PIK3R6: variants seen among roughly 807,000 people sequenced by gnomAD.
The protein encoded by PIK3R6 is phosphoinositide 3-kinase regulatory subunit 6.
Under a neutral mutation model 84.9 loss-of-function variants are expected in PIK3R6, and 91 were observed. That is an observed-to-expected ratio of 1.07 (90% CI 0.90 to 1.28). PIK3R6 has a LOEUF of 1.28. Among genes scored for constraint, PIK3R6 ranks in the 50% most tolerant of loss-of-function variants. The probability of loss-of-function intolerance (pLI) is 0.00; values close to 1 mark genes in which losing one functional copy is unlikely to be tolerated. For missense variants in PIK3R6, 996 were observed against 985.1 expected (o/e 1.01, Z -0.15); for synonymous variants, 416 against 411.4 (o/e 1.01, Z -0.13).
chr17:8,832,882 C>G lies in PIK3R6; in HGVS notation c.802+7G>C. 6.2e-7 allele frequency: 1 copy of G among 1,612,454 alleles called. No homozygotes were observed. Among genetic ancestry groups the G allele is most frequent in the Admixed American group, 1.7e-5 (1 of 60,012 alleles). ...TTGCCAAGGCCCCCCATCTGCCAGT[C>G]GCTTACCACCGCAGCGCCCCGCCGC... On this transcript the variant is annotated splice_region_variant and intron_variant, in intron 9 of 19. Transcript: ENST00000619866.
intron 13 of PIK3R6, among the ~76,000 whole-genome samples, chr17:8,824,371 A>G (rs1308738243): frequency 6.6e-6 from 1 of 152,200 alleles, no homozygotes; most frequent in East Asian, 1.9e-4. Context: ...AAGCATAGTG[A>G]CTGGGTTTTC....
intron 18 of PIK3R6, among the ~76,000 whole-genome samples, chr17:8,810,669 A>C (rs1324854135): frequency 6.7e-6 from 1 of 148,494 alleles, no homozygotes; most frequent in Non-Finnish European, 1.5e-5. Flanking sequence ...TACAGGCCCC[A>C]TGCAAGTCTG....
At chr17:8,848,045 ACT>A (rs1191062090) in intron 2 of PIK3R6, among the ~76,000 whole-genome samples, 1 of 151,906 alleles carries the variant, frequency 6.6e-6, no homozygotes, top group Non-Finnish European at 1.5e-5. Context: ...AAGGACTGAT[ACT>A]CTCTGTCTCT....
chr17:8,860,627 C>T (rs1015848402), intron 1 of PIK3R6, among the ~76,000 whole-genome samples: 6 of 152,128 alleles, frequency 3.9e-5, no homozygotes, highest in African/African-American at 1.4e-4. Flanking sequence ...CTGTGGCCAA[C>T]ATTTAAAAGT....
intron 1 of PIK3R6, among the ~76,000 whole-genome samples, chr17:8,860,501 C>T (rs553969227): frequency 1.1e-3 from 171 of 149,612 alleles, no homozygotes; most frequent in Middle Eastern, 3.4e-3. Flanking sequence ...AAACCCCTTC[C>T]GTGGAAAAAT....
Position 8,804,105 on chromosome 17 carries a change from C to T in PIK3R6, c.2044G>A (p.Asp682Asn), listed in dbSNP as rs754476511. Reference protein sequence around the residue: ...RTNNIQIQSRDQRLLTLSLDK... With the variant: ...RTNNIQIQSRNQRLLTLSLDK... ...AGCGACAGTGTCAGCAGCCTCTGGT[C>T]CCGGCTCTGGATCTGGATATTGTTC... The change falls in exon 19 of 20, where the codon GAC becomes AAC. Residue 682 changes from aspartate to asparagine, a missense_variant. Asp to Asn is a conservative substitution (Grantham distance 23). Transcript: ENST00000619866. 1.1e-5 allele frequency: 17 copies of T among 1,614,042 alleles called. No individual in the cohort carries two copies. The highest frequency in any genetic ancestry group is 1.4e-5 in the Non-Finnish European group (17 of 1,179,884).
intron 13 of PIK3R6, among the ~76,000 whole-genome samples, chr17:8,824,053 T>C (rs559539130): frequency 6.6e-6 from 1 of 152,292 alleles, no homozygotes; most frequent in African/African-American, 2.4e-5. Flanking sequence ...GCGGGTCACC[T>C]GAGGTCAGGA....
intron 18 of PIK3R6, among the ~76,000 whole-genome samples, chr17:8,804,856 T>C (rs2087154962): frequency 6.6e-6 from 1 of 152,234 alleles, no homozygotes; most frequent in Non-Finnish European, 1.5e-5. Context: ...CTCATTCAAG[T>C]GTTCTTAACC....
At chr17:8,827,761 G>A (rs1397786359) in intron 12 of PIK3R6, among the ~76,000 whole-genome samples, 1 of 65,944 alleles carries the variant, frequency 1.5e-5, no homozygotes, top group Admixed American at 1.6e-4. Context: ...GAGAGAGAGA[G>A]AGGAGAGAGA....
intron 2 of PIK3R6, among the ~76,000 whole-genome samples, chr17:8,845,776 GTC>G (rs2088801160): frequency 2.0e-5 from 3 of 152,030 alleles, no homozygotes; most frequent in Non-Finnish European, 4.4e-5. Flanking sequence ...GCAAAATCCT[GTC>G]TCTACTAAAA....
chr17:8,828,621 A>C lies in PIK3R6; in HGVS notation c.1259T>G (p.Val420Gly), dbSNP rs1331625772. The C allele has an allele frequency of 6.2e-7, 1 of 1,613,454 alleles. No homozygotes were observed. Among genetic ancestry groups the C allele is most frequent in the Non-Finnish European group, 8.5e-7 (1 of 1,179,698 alleles). The change falls in exon 11 of 20, where the codon GTG (valine) becomes GGG (glycine). Residue 420 changes from valine to glycine, a missense_variant. Physicochemically the swap from Val to Gly is moderately radical, Grantham distance 109. Coordinates refer to ENST00000619866, the MANE Select transcript of PIK3R6 (RefSeq NM_001010855.4). The stretch of plus-strand genomic sequence containing the variant: ...CCCCAGCATCCTGTCATCTCCGAGC[A>C]CAAGTACCCGGGCTGTGTGCAGCCG... ...VSRLHTARVL[V>G]LGDDRMLGRL...
chr17:8,852,102 A>G (rs76139226), intron 1 of PIK3R6, among the ~76,000 whole-genome samples: 6,611 of 152,298 alleles, frequency 0.043, 440 homozygotes, highest in African/African-American at 0.15. Context: ...AGCAAGTATG[A>G]CAGAGGTTAC....
Position 8,803,596 on chromosome 17 carries a change from C to T in PIK3R6, c.2109-167G>A. The T allele has an allele frequency of 1.4e-6, 1 of 690,706 alleles. No individual in the cohort carries two copies. The highest frequency in any genetic ancestry group is 2.3e-6 in the Non-Finnish European group (1 of 433,992). The allele number at this position is 690,706 out of a possible 1,614,324, so 42.8% of individuals were successfully genotyped here. A position where few individuals can be genotyped will look rare whatever the true frequency, so the allele number is the denominator to read the frequency against. On this transcript the variant is annotated intron_variant, in intron 19 of 19. Coordinates refer to ENST00000619866, the MANE Select transcript of PIK3R6 (RefSeq NM_001010855.4). This position sits in a 1 kb window ranked among gnomAD's most constrained non-coding sequence, Gnocchi z 5.0. ...AAGAGTCAGGACAAGAAAGAAAAACCTGGGCCTGGGGTTCACCGGGAGAGG... is the reference window on the plus strand; with the variant it reads ...AAGAGTCAGGACAAGAAAGAAAAACTTGGGCCTGGGGTTCACCGGGAGAGG...
rs199518925 is a variant in PIK3R6 at position 8,829,560 on chromosome 17, GCACACATA to G, written c.889+138_889+145del. Reference sequence around the variant, plus strand: ...CGCATGCACACAGACACACACTCATGCACACATACACACACAGACACACTGACACACAC... The same window carrying G: ...CGCATGCACACAGACACACACTCATGCACACACAGACACACTGACACACAC... On this transcript the variant is annotated intron_variant, in intron 10 of 19. Coordinates refer to ENST00000619866, the MANE Select transcript of PIK3R6 (RefSeq NM_001010855.4). 7.2e-5 allele frequency: 57 copies of G among 790,378 alleles called. No homozygotes were observed. In the African/African-American group the frequency reaches 1.1e-3, roughly 15 times the overall value. The allele number at this position is 790,378 out of a possible 1,614,324, so 49.0% of individuals were successfully genotyped here.
Position 8,842,320 on chromosome 17 carries a change from G to C in PIK3R6, c.14-2623C>G, listed in dbSNP as rs970137300. The stretch of plus-strand genomic sequence containing the variant: ...CAGCCAAAATACACGGTATGGTAGT[G>C]GTTCTAAAGCAGGACCTTCCCCAGG... On this transcript the variant is annotated intron_variant, in intron 2 of 19. Transcript: ENST00000619866. This position sits in a 1 kb window ranked among gnomAD's most constrained non-coding sequence, Gnocchi z 4.5. Among the ~76,000 whole-genome samples the C allele has an allele frequency of 6.6e-6, 1 of 152,142 alleles. No homozygotes were observed. The highest frequency in any genetic ancestry group is 1.5e-5 in the Non-Finnish European group (1 of 68,032).
intron 10 of PIK3R6, among the ~76,000 whole-genome samples, 194 bp downstream of exon 10, chr17:8,829,512 A>ATG (rs2088127478): frequency 8.2e-6 from 1 of 122,520 alleles, no homozygotes; most frequent in Non-Finnish European, 1.7e-5. Flanking sequence ...ACACACACTC[A>ATG]TGCATACACA....
chr17:8,829,436 A>G (rs1008380478), intron 10 of PIK3R6, among the ~76,000 whole-genome samples: 1 of 148,614 alleles, frequency 6.7e-6, no homozygotes, highest in African/African-American at 2.6e-5. Flanking sequence ...ACTCATGGAT[A>G]CACACACTGA....
intron 1 of PIK3R6, among the ~76,000 whole-genome samples, chr17:8,860,483 C>T (rs1362785835): frequency 1.3e-5 from 2 of 148,260 alleles, no homozygotes; most frequent in Admixed American, 1.3e-4. Flanking sequence ...AAACCCCTAC[C>T]CACCCCCAAA....
chr17:8,813,155 A>G (rs1422109032), intron 18 of PIK3R6, among the ~76,000 whole-genome samples: 2 of 152,228 alleles, frequency 1.3e-5, no homozygotes, highest in Non-Finnish European at 2.9e-5. Flanking sequence ...AAATGGATAA[A>G]TTCCATTTAT....
Sources: allele counts gnomAD v4.1 joint callset (sites outside exome capture counted in the v4.1 genomes callset), GRCh38; gene constraint gnomAD v4.1.1; non-coding constraint Gnocchi (gnomAD v3.1); transcripts MANE v1.5; gene names NCBI Gene and HGNC (gene_info 2026-07-23, HGNC 2026-07-21).